Variants in AGBL4 observed in about 807,000 individuals in gnomAD.
AGBL4 encodes cytosolic carboxypeptidase 6.
Under a neutral mutation model 66.4 loss-of-function variants are expected in AGBL4, and 58 were observed. That is an observed-to-expected ratio of 0.87 (90% CI 0.71 to 1.09). AGBL4 has a LOEUF of 1.09. AGBL4 is among the 50% of genes least tolerant of loss of function. The probability of loss-of-function intolerance (pLI) is 0.00; values close to 1 mark genes in which losing one functional copy is unlikely to be tolerated. For synonymous variants in AGBL4, 234 were observed against 222.9 expected (o/e 1.05, Z -0.44); for missense variants, 579 against 631.0 (o/e 0.92, Z 0.88).
At chr1:49,463,649 G>T (rs1164796951) in intron 3 of AGBL4, among the ~76,000 whole-genome samples, 1 of 151,732 alleles carries the variant, frequency 6.6e-6, no homozygotes, top group Non-Finnish European at 1.5e-5. Context: ...GAGATGGGGA[G>T]TAATTAAGCT....
Position 48,533,262 on chromosome 1 carries a change from C to T in AGBL4, c.*911G>A, listed in dbSNP as rs1643919608. 1 of 152,156 alleles carries T rather than the reference C, an allele frequency of 6.6e-6. No individual in the cohort carries two copies. Among genetic ancestry groups the T allele is most frequent in the African/African-American group, 2.4e-5 (1 of 41,420 alleles). 9.4% of individuals were successfully genotyped at this position (152,156 alleles called of 1,614,324 possible). A position where few individuals can be genotyped will look rare whatever the true frequency, so the allele number is the denominator to read the frequency against. ...ATTCATCATACAAAGGCACTTTACT[C>T]TTCACAAAAATGCCAATATTTAGCT... On this transcript the variant is annotated 3_prime_UTR_variant, in exon 14 of 14. Coordinates refer to ENST00000371839, the MANE Select transcript of AGBL4 (RefSeq NM_032785.4).
rs140321883 is a variant in AGBL4, at chr1:48,707,216, C to T, written c.635-43975G>A. Among the ~76,000 whole-genome samples, 37 of 152,270 alleles carry T rather than the reference C, an allele frequency of 2.4e-4. No homozygotes were observed. In the East Asian group the frequency reaches 7.1e-3, roughly 29 times the overall value. ...GGCTGAGGTGGGAGGGTCGCTTGAG[C>T]CCAGGAGGCGGAGGTTGCAGTGAGC... On this transcript the variant is annotated intron_variant, in intron 6 of 13. Coordinates refer to ENST00000371839, the MANE Select transcript of AGBL4 (RefSeq NM_032785.4).
At chr1:49,178,839 T>C (rs1050300930) in intron 4 of AGBL4, among the ~76,000 whole-genome samples, 2 of 152,196 alleles carry the variant, frequency 1.3e-5, no homozygotes, top group African/African-American at 4.8e-5. Flanking sequence ...TGAATGAATA[T>C]AATCTTTAAT....
chr1:48,672,502 ATGG>A (rs1646292708), intron 6 of AGBL4, among the ~76,000 whole-genome samples: 1 of 152,158 alleles, frequency 6.6e-6, no homozygotes, highest in South Asian at 2.1e-4. Flanking sequence ...AGCCCCTCCA[ATGG>A]TTTTATTGTC....
chr1:49,112,199 T>C (rs998140560), intron 4 of AGBL4, among the ~76,000 whole-genome samples: 1 of 152,242 alleles, frequency 6.6e-6, no homozygotes, highest in African/African-American at 2.4e-5. Context: ...TAGCTAATAG[T>C]TGTAATTGGT....
intron 3 of AGBL4, among the ~76,000 whole-genome samples, chr1:49,560,799 G>A (rs530006042): frequency 3.9e-5 from 6 of 152,048 alleles, no homozygotes; most frequent in Non-Finnish European, 8.8e-5. Flanking sequence ...GGAGAGACTC[G>A]AATGATTTAC....
intron 6 of AGBL4, among the ~76,000 whole-genome samples, chr1:48,728,816 T>C (rs1647626925): frequency 6.6e-6 from 1 of 152,238 alleles, no homozygotes. Flanking sequence ...AGCAACAGTG[T>C]ATGCAAGTAG....
At chr1:49,653,784 A>C (rs1646057768) in intron 3 of AGBL4, among the ~76,000 whole-genome samples, 1 of 151,860 alleles carries the variant, frequency 6.6e-6, no homozygotes, top group Admixed American at 6.6e-5. Context: ...AAAAAGAATG[A>C]AAAGTAACAA....
At chr1:48,791,891 C>G (rs1645561495) in intron 6 of AGBL4, among the ~76,000 whole-genome samples, 1 of 152,162 alleles carries the variant, frequency 6.6e-6, no homozygotes, top group Admixed American at 6.5e-5. Flanking sequence ...CTTATCTGTG[C>G]CAGACTCTAA....
At chr1:48,525,820 T>TAGAGGA in the AGBL4 span, among the ~76,000 whole-genome samples, 2 of 152,186 alleles carry the variant, frequency 1.3e-5, no homozygotes, top group Non-Finnish European at 2.9e-5. Context: ...TGGCTTGGGT[T>TAGAGGA]AGAGGAAGAG....
At chr1:49,071,558 G>A (rs1485984198) in intron 4 of AGBL4, among the ~76,000 whole-genome samples, 1 of 151,972 alleles carries the variant, frequency 6.6e-6, no homozygotes, top group African/African-American at 2.4e-5. Context: ...GCAGTTTTGA[G>A]TGAGTTTCTT....
In AGBL4 at chr1:49,565,724, G is replaced by T. The variant is rs370948801; in HGVS notation, c.282+131589C>A. ...GTGGGTAACCCAACCTTTCTCTCTG[G>T]CTGCCCTTAACATTTTTTCCATTTC... On this transcript the variant is annotated intron_variant, in intron 3 of 13. Coordinates refer to ENST00000371839, the MANE Select transcript of AGBL4 (RefSeq NM_032785.4). Among the ~76,000 whole-genome samples, 7 of 152,114 alleles carry T rather than the reference G, an allele frequency of 4.6e-5. No individual in the cohort carries two copies. The East Asian group carries it at 1.4e-3, about 29-fold the overall frequency.
intron 3 of AGBL4, among the ~76,000 whole-genome samples, chr1:49,333,458 C>A (rs1645375164): frequency 6.6e-6 from 1 of 152,148 alleles, no homozygotes; most frequent in African/African-American, 2.4e-5. Flanking sequence ...AGCCTGGCAA[C>A]AGAGCGAGAC....
chr1:49,722,661 T>C (rs1206634710), intron 2 of AGBL4, among the ~76,000 whole-genome samples: 3 of 152,166 alleles, frequency 2.0e-5, no homozygotes, highest in Non-Finnish European at 4.4e-5. Context: ...GGATGTACTA[T>C]TGATTTTACA....
chr1:48,558,705 C>T (rs148605106), intron 11 of AGBL4, among the ~76,000 whole-genome samples: 2 of 152,308 alleles, frequency 1.3e-5, no homozygotes, highest in Middle Eastern at 3.4e-3. Flanking sequence ...CAGTGCTGAG[C>T]GGTTGAGGAC....
At chr1:48,644,761 C>T (rs541114109) in intron 8 of AGBL4, among the ~76,000 whole-genome samples, 7 of 152,096 alleles carry the variant, frequency 4.6e-5, no homozygotes, top group Non-Finnish European at 8.8e-5. Context: ...ATTGTGCAGG[C>T]GCTGAATACC....
At chr1:48,523,894 C>A in the AGBL4 span, among the ~76,000 whole-genome samples, 1 of 152,144 alleles carries the variant, frequency 6.6e-6, no homozygotes, top group Non-Finnish European at 1.5e-5. Context: ...GGCTACAAAC[C>A]CGTCAAGTAT....
chr1:49,671,684 G>A (rs534753527), intron 3 of AGBL4, among the ~76,000 whole-genome samples: 2 of 152,010 alleles, frequency 1.3e-5, no homozygotes, highest in Non-Finnish European at 2.9e-5. Context: ...GACATGAACA[G>A]ACACTTCTCA....
At chr1:49,291,286 G>A (rs1644528438) in intron 3 of AGBL4, among the ~76,000 whole-genome samples, 1 of 152,104 alleles carries the variant, frequency 6.6e-6, no homozygotes, top group Non-Finnish European at 1.5e-5. Flanking sequence ...GTGTTTCTGA[G>A]AATAGAAAAC....
Sources: allele counts gnomAD v4.1 joint callset (sites outside exome capture counted in the v4.1 genomes callset), GRCh38; gene constraint gnomAD v4.1.1; transcripts MANE v1.5; gene names NCBI Gene and HGNC (gene_info 2026-07-23, HGNC 2026-07-21).